CCSER1: variants seen among roughly 807,000 people sequenced by gnomAD.
CCSER1 encodes the protein serine-rich coiled-coil domain-containing protein 1.
A neutral mutation model predicts 82.0 loss-of-function variants in CCSER1; 41 were observed. That is an observed-to-expected ratio of 0.50 (90% confidence interval 0.39 to 0.65). The LOEUF is 0.65. Ranked by LOEUF, CCSER1 falls within the 30% of genes least tolerant of loss-of-function variation. The pLI is 0.00. For missense variants in CCSER1, 1,119 were observed against 1,064.2 expected (o/e 1.05, Z -0.72); for synonymous variants, 414 against 383.9 (o/e 1.08, Z -0.92).
chr4:90,346,580 G>A (rs1269391693), intron 3 of CCSER1, among the ~76,000 whole-genome samples: 13 of 152,054 alleles, frequency 8.5e-5, no homozygotes, highest in Non-Finnish European at 1.5e-5. Context: ...AATTTGTCTA[G>A]ATTTATGAAG....
intron 10 of CCSER1, among the ~76,000 whole-genome samples, chr4:91,263,722 G>A (rs2149169630): frequency 6.6e-6 from 1 of 151,906 alleles, no homozygotes; most frequent in East Asian, 1.9e-4. Flanking sequence ...AAAAACCTGG[G>A]ATAGTGTGAT....
intron 5 of CCSER1, among the ~76,000 whole-genome samples, chr4:90,492,152 T>C (rs986518244): frequency 8.5e-5 from 13 of 152,212 alleles, no homozygotes; most frequent in South Asian, 6.2e-4. Flanking sequence ...GGTCCTGGAC[T>C]TTTTTTGGTT....
At chr4:90,924,971 C>T (rs769645697) in intron 9 of CCSER1, among the ~76,000 whole-genome samples, 3 of 152,166 alleles carry the variant, frequency 2.0e-5, no homozygotes, top group African/African-American at 4.8e-5. Flanking sequence ...AAATGATCCA[C>T]GCGCCTTAGC....
rs2153413060 is a variant in CCSER1, at chr4:90,209,516, C to T, written c.-42+81685C>T. On this transcript the variant is annotated intron_variant, in intron 1 of 10. Coordinates refer to ENST00000509176, the MANE Select transcript of CCSER1 (RefSeq NM_001145065.2). ...CATGCCCCTTTTGATCTGCGTATGTCTGCACTACCAGAGGGGCCCATGACC... is the reference window on the plus strand; with the variant it reads ...CATGCCCCTTTTGATCTGCGTATGTTTGCACTACCAGAGGGGCCCATGACC... 1.3e-5 allele frequency among the ~76,000 whole-genome samples: 2 copies of T among 152,188 alleles called. 1 individual carries two copies. Among genetic ancestry groups the T allele is most frequent in the South Asian group, 4.1e-4 (2 of 4,822 alleles).
chr4:91,220,318 T>C (rs1270391513), intron 10 of CCSER1, among the ~76,000 whole-genome samples: 3 of 152,226 alleles, frequency 2.0e-5, no homozygotes, highest in Non-Finnish European at 4.4e-5. Flanking sequence ...TCTTGCATGC[T>C]GCTGTGCTCG....
chr4:91,253,508 C>A (rs934538567), intron 10 of CCSER1, among the ~76,000 whole-genome samples: 3 of 151,932 alleles, frequency 2.0e-5, no homozygotes, highest in Middle Eastern at 3.4e-3. Flanking sequence ...ACTTTAGAAC[C>A]AAAGACACAA....
At chr4:90,783,334 A>G (rs912219949) in intron 7 of CCSER1, among the ~76,000 whole-genome samples, 6 of 152,214 alleles carry the variant, frequency 3.9e-5, no homozygotes, top group Non-Finnish European at 8.8e-5. Context: ...CTAGAAAGGC[A>G]GGCGATTATA....
At chr4:91,165,243 G>T (rs886149086) in intron 10 of CCSER1, among the ~76,000 whole-genome samples, 2 of 152,188 alleles carry the variant, frequency 1.3e-5, no homozygotes, top group African/African-American at 2.4e-5. Flanking sequence ...GACCCTGTTT[G>T]CCTGGGTATG....
At chr4:90,533,068 T>C (rs1774796368) in intron 5 of CCSER1, among the ~76,000 whole-genome samples, 1 of 150,406 alleles carries the variant, frequency 6.6e-6, no homozygotes. Context: ...AATTTGAATA[T>C]GCAAAATTTC....
chr4:91,491,137 T>C (rs1327559502), intron 10 of CCSER1, among the ~76,000 whole-genome samples: 1 of 150,914 alleles, frequency 6.6e-6, no homozygotes, highest in Non-Finnish European at 1.5e-5. Context: ...TTTGCTTGAG[T>C]GTATATATCT....
chr4:90,223,052 C>CG (rs1742454811), intron 1 of CCSER1, among the ~76,000 whole-genome samples: 1 of 152,168 alleles, frequency 6.6e-6, no homozygotes, highest in Non-Finnish European at 1.5e-5. Context: ...AGATGCTGAA[C>CG]AGTTCCAGCA....
rs1477803153 is a variant in CCSER1 at position 90,968,701 on chromosome 4, T to A, written c.2172+45254T>A. Among the ~76,000 whole-genome samples the A allele has an allele frequency of 3.3e-5, 5 of 151,988 alleles. No homozygotes were observed. The East Asian group carries it at 9.7e-4, about 29-fold the overall frequency. ...TGGTGAAGGTATTTCTCTCCAGAGA[T>A]GATAAATTCTACAGGAAGTTACATC... On this transcript the variant is annotated intron_variant, in intron 9 of 10. Transcript: ENST00000509176.
At chr4:90,544,923 T>A (rs539158368) in intron 5 of CCSER1, among the ~76,000 whole-genome samples, 1 of 152,282 alleles carries the variant, frequency 6.6e-6, no homozygotes, top group Non-Finnish European at 1.5e-5. Flanking sequence ...TGTTTATTTT[T>A]ATCATCTCTG....
chr4:91,088,319 T>C (rs1277139969), intron 10 of CCSER1, among the ~76,000 whole-genome samples: 5 of 152,132 alleles, frequency 3.3e-5, no homozygotes, highest in Admixed American at 6.6e-5. Context: ...TATAAGAAGA[T>C]TTAAGAAGTG....
intron 1 of CCSER1, among the ~76,000 whole-genome samples, chr4:90,200,715 A>G (rs895497314): frequency 6.6e-6 from 1 of 151,874 alleles, no homozygotes; most frequent in African/African-American, 2.4e-5. Context: ...AAGATTACCT[A>G]CTAGTTTACT....
Position 90,308,802 on chromosome 4 carries a change from T to C in CCSER1, c.518T>C (p.Val173Ala). 1 of 1,613,820 alleles carries C rather than the reference T, an allele frequency of 6.2e-7. No individual in the cohort carries two copies. The highest frequency in any genetic ancestry group is 8.5e-7 in the Non-Finnish European group (1 of 1,179,858). The change falls in exon 2 of 11, where the codon GTT (valine) becomes GCT (alanine). Residue 173 changes from valine to alanine, a missense_variant. Coordinates refer to ENST00000509176, the MANE Select transcript of CCSER1 (RefSeq NM_001145065.2). ...GFTEDQTRRS[V>A]KQSTRKLLPK... The stretch of plus-strand genomic sequence containing the variant: ...ACAGAAGACCAAACTCGTCGTTCTG[T>C]TAAGCAGTCAACAAGGAAGCTACTC...
intron 7 of CCSER1, among the ~76,000 whole-genome samples, chr4:90,782,459 A>T (rs1424506829): frequency 6.6e-6 from 1 of 152,194 alleles, no homozygotes; most frequent in Non-Finnish European, 1.5e-5. Context: ...GAAGAAATAT[A>T]TTTAAAAAAC....
At chr4:90,326,225 A>C (rs1268081715) in intron 3 of CCSER1, among the ~76,000 whole-genome samples, 1 of 151,378 alleles carries the variant, frequency 6.6e-6, no homozygotes, top group South Asian at 2.1e-4. Flanking sequence ...CGCCCGGCTA[A>C]TTTTTTTTGT....
chr4:90,758,761 T>C (rs567313081), intron 7 of CCSER1, among the ~76,000 whole-genome samples: 1 of 152,266 alleles, frequency 6.6e-6, no homozygotes, highest in African/African-American at 2.4e-5. Flanking sequence ...ATGAGAAAGA[T>C]ATAGCTACTG....
Sources: allele counts gnomAD v4.1 joint callset (sites outside exome capture counted in the v4.1 genomes callset), GRCh38; gene constraint gnomAD v4.1.1; transcripts MANE v1.5; gene names NCBI Gene and HGNC (gene_info 2026-07-23, HGNC 2026-07-21).